ZNF804A: variants seen among roughly 807,000 people sequenced by gnomAD.
The protein encoded by ZNF804A is zinc finger protein 804A.
ZNF804A carries 2 observed loss-of-function variants against 16.5 expected under a neutral mutation model. That is an observed-to-expected ratio of 0.12 (90% CI 0.05 to 0.38). ZNF804A has a LOEUF of 0.38. ZNF804A is among the 10% of genes least tolerant of loss of function. The probability of loss-of-function intolerance (pLI) is 0.99; values close to 1 mark genes in which losing one functional copy is unlikely to be tolerated. For synonymous variants in ZNF804A, 534 were observed against 489.6 expected, an observed-to-expected ratio of 1.09 and a Z score of -1.20; for missense variants, 1,473 against 1,390.7, an observed-to-expected ratio of 1.06 and a Z score of -0.94.
intron 1 of ZNF804A, among the ~76,000 whole-genome samples, chr2:184,762,372 C>T (rs549308911): frequency 2.6e-5 from 4 of 151,770 alleles, no homozygotes; most frequent in East Asian, 1.9e-4. Context: ...ATGAATATAT[C>T]GCATAAGGTC....
At chr2:184,609,022 G>C (rs766252042) in intron 1 of ZNF804A, among the ~76,000 whole-genome samples, 1 of 152,042 alleles carries the variant, frequency 6.6e-6, no homozygotes, top group Admixed American at 6.6e-5. Context: ...AGACACTTAC[G>C]AATTCAAGGA....
At chr2:184,695,103 G>T (rs1035855182) in intron 1 of ZNF804A, among the ~76,000 whole-genome samples, 3 of 152,134 alleles carry the variant, frequency 2.0e-5, no homozygotes, top group Non-Finnish European at 4.4e-5. Context: ...TCTTGGAATG[G>T]AAATACCTTA....
chr2:184,903,033 A>G (rs1437625264), intron 2 of ZNF804A, among the ~76,000 whole-genome samples: 1 of 152,170 alleles, frequency 6.6e-6, no homozygotes, highest in Non-Finnish European at 1.5e-5. Context: ...AGCAGGAACC[A>G]TGTTCTTAAG....
At chr2:184,912,491 CA>C (rs1233506892) in intron 2 of ZNF804A, among the ~76,000 whole-genome samples, 1 of 151,982 alleles carries the variant, frequency 6.6e-6, no homozygotes, top group Non-Finnish European at 1.5e-5. Flanking sequence ...CTGGGTCATA[CA>C]GTAATTATAT....
At chr2:184,790,235 T>C (rs2105778193) in intron 1 of ZNF804A, among the ~76,000 whole-genome samples, 1 of 152,086 alleles carries the variant, frequency 6.6e-6, no homozygotes, top group South Asian at 2.1e-4. Flanking sequence ...TTTTTTGTTT[T>C]TTTTTTGAGA....
chr2:184,844,622 A>G (rs1439549359), intron 1 of ZNF804A, among the ~76,000 whole-genome samples: 2 of 151,412 alleles, frequency 1.3e-5, no homozygotes, highest in Non-Finnish European at 2.9e-5. Context: ...TTCCTTTAAA[A>G]CATATAAATT....
intron 1 of ZNF804A, among the ~76,000 whole-genome samples, chr2:184,756,117 G>GT (rs1693955613): frequency 6.6e-6 from 1 of 151,690 alleles, no homozygotes. Flanking sequence ...TTTTTCCTCA[G>GT]TATTTATAAA....
chr2:184,793,570 A>C (rs1336502135), intron 1 of ZNF804A, among the ~76,000 whole-genome samples: 5 of 151,846 alleles, frequency 3.3e-5, no homozygotes, highest in African/African-American at 1.2e-4. Context: ...TTGTATGTCT[A>C]TTTTGTTTTT....
At chr2:184,930,640 C>A (rs1685683549) in intron 2 of ZNF804A, among the ~76,000 whole-genome samples, 1 of 152,128 alleles carries the variant, frequency 6.6e-6, no homozygotes, top group Admixed American at 6.5e-5. Flanking sequence ...AATCCAGAAT[C>A]ATTAGGAGCC....
At position 184,724,675 on chromosome 2, in the gene ZNF804A, A is replaced by G. The variant is rs186662595; in HGVS notation, c.111+125605A>G. Among the ~76,000 whole-genome samples the G allele has an allele frequency of 2.1e-3, 318 of 151,838 alleles. 2 individuals are homozygous for G. The highest frequency in any genetic ancestry group is 0.012 in the South Asian group (59 of 4,826). On this transcript the variant is annotated intron_variant, in intron 1 of 3. Coordinates refer to ENST00000302277, the MANE Select transcript of ZNF804A (RefSeq NM_194250.2). ...GCTGATGTCTGATTCTATAAGTATG[A>G]ATAAGAAAATATTCTACTCTGAGTC...
intron 1 of ZNF804A, among the ~76,000 whole-genome samples, chr2:184,677,873 C>T (rs918186330): frequency 3.3e-5 from 5 of 151,888 alleles, no homozygotes; most frequent in Admixed American, 6.6e-5. Flanking sequence ...TATTGGAATT[C>T]GGTCCCACCA....
At chr2:184,787,059 C>T (rs771646604) in intron 1 of ZNF804A, among the ~76,000 whole-genome samples, 1 of 151,772 alleles carries the variant, frequency 6.6e-6, no homozygotes, top group East Asian at 1.9e-4. Flanking sequence ...ATACCCTTCA[C>T]CCAAATATTG....
intron 1 of ZNF804A, among the ~76,000 whole-genome samples, chr2:184,643,613 C>T (rs907684232): frequency 6.6e-6 from 1 of 151,798 alleles, no homozygotes; most frequent in Non-Finnish European, 1.5e-5. Flanking sequence ...TCAAGAAACA[C>T]TTTATTGTGG....
In ZNF804A at chr2:184,933,753, G is replaced by C. The variant is rs770983106; in HGVS notation, c.386+20G>C. 1.1e-5 allele frequency: 18 copies of C among 1,586,768 alleles called. 1 individual carries two copies. In the South Asian group the frequency reaches 1.8e-4, roughly 15 times the overall value. ...TGTATGGTGAGTATCCAATGAAATTGTAAGTTTTCTTAAAACATGACCAAA... is the reference window on the plus strand; with the variant it reads ...TGTATGGTGAGTATCCAATGAAATTCTAAGTTTTCTTAAAACATGACCAAA... On this transcript the variant is annotated intron_variant, in intron 3 of 3. Transcript: ENST00000302277.
intron 2 of ZNF804A, chr2:184,902,354 G>A (rs903998461): frequency 1.9e-5 from 3 of 154,958 alleles, no homozygotes; most frequent in African/African-American, 7.2e-5. Flanking sequence ...TGATGGCATA[G>A]TGGTCATACT....
chr2:184,671,080 A>G (rs17508767), intron 1 of ZNF804A, among the ~76,000 whole-genome samples: 7,886 of 152,230 alleles, frequency 0.052, 253 homozygotes, highest in Non-Finnish European at 0.077. Flanking sequence ...TTGCCTGCCT[A>G]AAGTGATCAC....
intron 1 of ZNF804A, among the ~76,000 whole-genome samples, chr2:184,751,789 C>G (rs947172322): frequency 1.3e-5 from 2 of 151,434 alleles, no homozygotes; most frequent in Non-Finnish European, 3.0e-5. Flanking sequence ...AAGAAAGATA[C>G]AAACAACCAC....
chr2:184,647,444 G>C (rs1691896697), intron 1 of ZNF804A, among the ~76,000 whole-genome samples: 1 of 152,176 alleles, frequency 6.6e-6, no homozygotes, highest in Non-Finnish European at 1.5e-5. Flanking sequence ...AGCTTGGATT[G>C]CAAGGAAGCT....
chr2:184,702,835 T>A (rs1409588072), intron 1 of ZNF804A, among the ~76,000 whole-genome samples: 1 of 152,194 alleles, frequency 6.6e-6, no homozygotes, highest in Non-Finnish European at 1.5e-5. Flanking sequence ...TATGTGTATA[T>A]GTTATGTATA....
Sources: allele counts gnomAD v4.1 joint callset (sites outside exome capture counted in the v4.1 genomes callset), GRCh38; gene constraint gnomAD v4.1.1; transcripts MANE v1.5; gene names NCBI Gene and HGNC (gene_info 2026-07-23, HGNC 2026-07-21).